Variants in EBF1 observed in about 807,000 individuals in gnomAD.
EBF1 encodes transcription factor COE1.
EBF1 carries 10 observed loss-of-function variants against 68.4 expected under a neutral mutation model. The ratio of observed to expected loss-of-function variants is 0.15; its 90% confidence interval spans 0.09 to 0.25. EBF1 has a LOEUF of 0.25. Ranked by LOEUF, EBF1 falls within the 10% of genes least tolerant of loss-of-function variation. EBF1 has a pLI of 1.00. For missense variants in EBF1, 509 were observed against 794.4 expected, an observed-to-expected ratio of 0.64 and a Z score of 4.32; for synonymous variants, 298 against 299.8, an observed-to-expected ratio of 0.99 and a Z score of 0.06.
intron 4 of EBF1, among the ~76,000 whole-genome samples, chr5:159,089,086 A>G (rs1781192880): frequency 6.6e-6 from 1 of 152,132 alleles, no homozygotes; most frequent in Admixed American, 6.6e-5. Flanking sequence ...TATTTTTGTG[A>G]TATACTAGCC....
chr5:158,762,265 T>C (rs1251884232), intron 10 of EBF1, among the ~76,000 whole-genome samples: 1 of 152,230 alleles, frequency 6.6e-6, no homozygotes, highest in Non-Finnish European at 1.5e-5. Context: ...TTTAATTGAA[T>C]ACTTATATTA....
chr5:159,070,580 T>G (rs1269078204), intron 6 of EBF1, among the ~76,000 whole-genome samples: 3 of 152,068 alleles, frequency 2.0e-5, no homozygotes, highest in African/African-American at 7.3e-5. Flanking sequence ...ACCCTATAAA[T>G]AGTTTTCCTG....
chr5:158,823,856 C>T (rs375179492), intron 7 of EBF1, among the ~76,000 whole-genome samples: 1 of 152,132 alleles, frequency 6.6e-6, no homozygotes, highest in South Asian at 2.1e-4. Context: ...GTTCATCAGA[C>T]CAAAGTCCCC....
intron 6 of EBF1, among the ~76,000 whole-genome samples, chr5:158,874,644 G>A (rs1250046336): frequency 6.6e-6 from 1 of 151,858 alleles, no homozygotes; most frequent in African/African-American, 2.4e-5. Context: ...TTTTTAGAAC[G>A]ATCATTCTGA....
chr5:158,905,224 C>T (rs1320226814), intron 6 of EBF1, among the ~76,000 whole-genome samples: 3 of 152,178 alleles, frequency 2.0e-5, no homozygotes, highest in South Asian at 2.1e-4. Context: ...ACATTGCTGC[C>T]GTGTAACTCC....
chr5:158,816,457 C>A (rs1183212713), intron 8 of EBF1, among the ~76,000 whole-genome samples: 1 of 152,238 alleles, frequency 6.6e-6, no homozygotes, highest in Non-Finnish European at 1.5e-5. Flanking sequence ...CAGATTATAT[C>A]CCCTCTCTGG....
At chr5:159,096,691 T>A in intron 2 of EBF1, 1 of 605,076 alleles carries the variant, frequency 1.7e-6, no homozygotes, top group East Asian at 2.8e-5. Flanking sequence ...CGGTGCGTAA[T>A]CTGGTAGTGG....
At chr5:158,892,579 C>G (rs1468565153) in intron 6 of EBF1, among the ~76,000 whole-genome samples, 3 of 152,178 alleles carry the variant, frequency 2.0e-5, no homozygotes, top group Admixed American at 6.5e-5. Flanking sequence ...GCGATGGGGT[C>G]GCAGTCAAAA....
At chr5:159,055,120 G>A (rs1165556308) in intron 6 of EBF1, among the ~76,000 whole-genome samples, 2 of 152,222 alleles carry the variant, frequency 1.3e-5, no homozygotes, top group Non-Finnish European at 2.9e-5. Context: ...TAAGGAAGAA[G>A]AACTGAAAGT....
intron 6 of EBF1, among the ~76,000 whole-genome samples, chr5:158,902,450 C>A (rs1003280464): frequency 2.0e-5 from 3 of 148,278 alleles, no homozygotes; most frequent in African/African-American, 7.5e-5. Flanking sequence ...GAAATAGGAT[C>A]TTGCTCTGTG....
intron 6 of EBF1, among the ~76,000 whole-genome samples, chr5:158,843,468 C>T (rs1442467022): frequency 6.6e-6 from 1 of 152,196 alleles, no homozygotes; most frequent in Non-Finnish European, 1.5e-5. Flanking sequence ...CTATGCCGGG[C>T]ACACACCAGA....
chr5:158,975,750 G>T (rs575539632), intron 6 of EBF1, among the ~76,000 whole-genome samples: 1 of 152,328 alleles, frequency 6.6e-6, no homozygotes, highest in East Asian at 1.9e-4. Context: ...TGGGGGGTCA[G>T]AGCTGGAAGG....
intron 6 of EBF1, among the ~76,000 whole-genome samples, chr5:158,912,882 G>A (rs1806319862): frequency 6.6e-6 from 1 of 152,210 alleles, no homozygotes. Context: ...CTTGCAGGTA[G>A]TATAGATGCT....
At chr5:158,820,524 T>C (rs1784618463) in intron 8 of EBF1, among the ~76,000 whole-genome samples, 1 of 152,212 alleles carries the variant, frequency 6.6e-6, no homozygotes, top group Non-Finnish European at 1.5e-5. Context: ...TGACTCACTC[T>C]GCAGAGAAGC....
At chr5:159,011,499 A>G (rs2127681412) in intron 6 of EBF1, among the ~76,000 whole-genome samples, 1 of 152,264 alleles carries the variant, frequency 6.6e-6, no homozygotes, top group East Asian at 1.9e-4. Context: ...TGTGTTGGTA[A>G]GTTTGGGGGG....
chr5:159,051,837 T>C (rs1398721352), intron 6 of EBF1, among the ~76,000 whole-genome samples: 1 of 152,136 alleles, frequency 6.6e-6, no homozygotes, highest in South Asian at 2.1e-4. Context: ...TTTTTCTTAA[T>C]AGAGTGGGAG....
intron 6 of EBF1, among the ~76,000 whole-genome samples, chr5:159,062,252 A>C (rs1171367104): frequency 1.3e-5 from 2 of 152,196 alleles, no homozygotes; most frequent in East Asian, 3.9e-4. Flanking sequence ...CAGCCTATCA[A>C]ATGTGAGGGC....
At chr5:159,067,491 C>T (rs1467648364) in intron 6 of EBF1, among the ~76,000 whole-genome samples, 2 of 152,114 alleles carry the variant, frequency 1.3e-5, no homozygotes, top group Non-Finnish European at 2.9e-5. Context: ...AGTATTATAC[C>T]ATGTAAAAGT....
intron 4 of EBF1, among the ~76,000 whole-genome samples, chr5:159,092,991 A>C (rs1781926988): frequency 6.6e-6 from 1 of 152,254 alleles, no homozygotes; most frequent in Non-Finnish European, 1.5e-5. Flanking sequence ...CAAAGATTCA[A>C]GAAATTTTAA....
Sources: allele counts gnomAD v4.1 joint callset (sites outside exome capture counted in the v4.1 genomes callset), GRCh38; gene constraint gnomAD v4.1.1; transcripts MANE v1.5; gene names NCBI Gene and HGNC (gene_info 2026-07-23, HGNC 2026-07-21).